The following THSD7A variants were observed in gnomAD, a reference collection of about 807,000 sequenced individuals.
THSD7A encodes the protein thrombospondin type 1 domain containing 7A, also known as thrombospondin type-1 domain-containing protein 7A.
A neutral mutation model predicts 231.3 loss-of-function variants in THSD7A; 96 were observed. The ratio of observed to expected loss-of-function variants is 0.41; its 90% CI spans 0.35 to 0.49. The LOEUF is 0.49. THSD7A is among the 20% of genes least tolerant of loss of function. The probability of loss-of-function intolerance (pLI) is 0.05; values close to 1 mark genes in which losing one functional copy is unlikely to be tolerated. For missense variants in THSD7A, 2,290 were observed against 2,070.2 expected (o/e 1.11, Z -2.06); for synonymous variants, 940 against 743.3 (o/e 1.26, Z -4.30).
chr7:11,572,608 AGTG>A (rs1279614486), intron 4 of THSD7A, among the ~76,000 whole-genome samples: 1 of 152,134 alleles, frequency 6.6e-6, no homozygotes, highest in Non-Finnish European at 1.5e-5. Context: ...TCCTAGGCTC[AGTG>A]ATCCTCCCAC....
intron 1 of THSD7A, among the ~76,000 whole-genome samples, chr7:11,711,661 G>A (rs1426109219): frequency 1.3e-5 from 2 of 150,988 alleles, no homozygotes; most frequent in Admixed American, 6.6e-5. Context: ...TTTTCTCTAG[G>A]GGAAAAATTT....
At chr7:11,547,295 A>C (rs1789440617) in intron 4 of THSD7A, among the ~76,000 whole-genome samples, 1 of 152,244 alleles carries the variant, frequency 6.6e-6, no homozygotes, top group Non-Finnish European at 1.5e-5. Context: ...AAATCTTCAC[A>C]TATCAATATT....
chr7:11,799,951 G>T (rs147883769), intron 1 of THSD7A, among the ~76,000 whole-genome samples: 2 of 152,152 alleles, frequency 1.3e-5, no homozygotes, highest in Admixed American at 1.3e-4. Context: ...CTACTGTAGC[G>T]CACACATTTA....
At chr7:11,388,630 T>C (rs556137756) in intron 23 of THSD7A, among the ~76,000 whole-genome samples, 1 of 152,344 alleles carries the variant, frequency 6.6e-6, no homozygotes, top group African/African-American at 2.4e-5. Context: ...GTTGATCTTT[T>C]CAAAAAACCA....
At chr7:11,543,144 A>C (rs1789225860) in intron 4 of THSD7A, 27 bp from the exon 5 acceptor site, 1 of 1,590,168 alleles carries the variant, frequency 6.3e-7, no homozygotes, top group Non-Finnish European at 8.6e-7. Context: ...ACACATATTA[A>C]AAAATGAACA....
intron 1 of THSD7A, among the ~76,000 whole-genome samples, chr7:11,665,351 A>G (rs537374560): frequency 9.2e-5 from 14 of 152,202 alleles, no homozygotes; most frequent in Admixed American, 6.6e-4. Flanking sequence ...AGGCATATAA[A>G]TTCAATAAAT....
intron 11 of THSD7A, among the ~76,000 whole-genome samples, chr7:11,450,333 A>G (rs1459636137): frequency 6.6e-6 from 1 of 152,040 alleles, no homozygotes; most frequent in African/African-American, 2.4e-5. Flanking sequence ...AGAAAAAAAA[A>G]TTGTGTAAAA....
chr7:11,430,526 T>G (rs1411008922), intron 13 of THSD7A, among the ~76,000 whole-genome samples: 1 of 152,154 alleles, frequency 6.6e-6, no homozygotes, highest in Non-Finnish European at 1.5e-5. Context: ...AGTGGTGTCA[T>G]CATAGCTCAC....
chr7:11,429,861 C>G (rs1784427524), intron 13 of THSD7A, among the ~76,000 whole-genome samples: 1 of 152,214 alleles, frequency 6.6e-6, no homozygotes, highest in Admixed American at 6.5e-5. Flanking sequence ...TAATCCAGTA[C>G]TCATTCCATC....
At chr7:11,692,193 A>T (rs1277720553) in intron 1 of THSD7A, among the ~76,000 whole-genome samples, 1 of 151,508 alleles carries the variant, frequency 6.6e-6, no homozygotes, top group African/African-American at 2.4e-5. Context: ...TGTCTACAAA[A>T]TTTGCAGCCT....
At chr7:11,700,542 T>C (rs1406666238) in intron 1 of THSD7A, among the ~76,000 whole-genome samples, 1 of 151,208 alleles carries the variant, frequency 6.6e-6, no homozygotes, top group Non-Finnish European at 1.5e-5. Context: ...AATGACAGGA[T>C]CTTTACATGT....
chr7:11,760,153 A>G (rs1782808349), intron 1 of THSD7A, among the ~76,000 whole-genome samples: 1 of 152,094 alleles, frequency 6.6e-6, no homozygotes, highest in Admixed American at 6.6e-5. Context: ...TAAAATGCCC[A>G]TTGTATCCAC....
intron 6 of THSD7A, among the ~76,000 whole-genome samples, chr7:11,531,714 C>T (rs1788717827): frequency 6.6e-6 from 1 of 152,136 alleles, no homozygotes; most frequent in South Asian, 2.1e-4. Flanking sequence ...GGAAGAGAAA[C>T]TGACTTTGGA....
At chr7:11,385,239 T>A (rs537451122) in intron 23 of THSD7A, 1 of 152,034 alleles carries the variant, frequency 6.6e-6, no homozygotes, top group Non-Finnish European at 1.5e-5. Flanking sequence ...GAAATTCATA[T>A]ACTATGAGAA....
intron 1 of THSD7A, chr7:11,751,487 G>T (rs567411708): frequency 1.3e-4 from 20 of 152,070 alleles, no homozygotes; most frequent in Admixed American, 9.2e-4. Flanking sequence ...TTCAGGTGAA[G>T]AAAATGGGCG....
chr7:11,675,471 G>C (rs11976524), intron 1 of THSD7A, among the ~76,000 whole-genome samples: 69,130 of 151,978 alleles, frequency 0.45, 15,897 homozygotes, highest in South Asian at 0.58. Flanking sequence ...GTCTTGCTTA[G>C]TGGATCCCAC....
intron 1 of THSD7A, among the ~76,000 whole-genome samples, chr7:11,675,181 C>G (rs1562465696): frequency 1.3e-5 from 2 of 152,042 alleles, no homozygotes; most frequent in African/African-American, 2.4e-5. Flanking sequence ...AACTCCCTCC[C>G]CTAGCCAAGG....
chr7:11,468,277 T>C (rs1434628781), intron 9 of THSD7A, among the ~76,000 whole-genome samples: 1 of 151,788 alleles, frequency 6.6e-6, no homozygotes, highest in East Asian at 1.9e-4. Context: ...TGCTTTTTAA[T>C]TGAATTAATT....
chr7:11,483,607 G>C (rs553445121), intron 6 of THSD7A, among the ~76,000 whole-genome samples: 4 of 152,060 alleles, frequency 2.6e-5, no homozygotes, highest in African/African-American at 9.6e-5. Context: ...ATTGTATAAG[G>C]CATTTAATAT....
Sources: allele counts gnomAD v4.1 joint callset (sites outside exome capture counted in the v4.1 genomes callset), GRCh38; gene constraint gnomAD v4.1.1; transcripts MANE v1.5; gene names NCBI Gene and HGNC (gene_info 2026-07-23, HGNC 2026-07-21).